Variants in KIF18A observed in about 807,000 individuals in gnomAD.
KIF18A encodes the protein kinesin family member 18A, also known as kinesin-like protein KIF18A.
A neutral mutation model predicts 103.3 loss-of-function variants in KIF18A; 67 were observed. The ratio of observed to expected loss-of-function variants is 0.65; its 90% CI spans 0.53 to 0.79. The LOEUF (loss-of-function observed/expected upper bound fraction) is 0.79, where lower values mean the gene tolerates loss of function less well. KIF18A is among the 30% of genes least tolerant of loss of function. The pLI, the probability that KIF18A is intolerant of heterozygous loss-of-function variation, is 0.00. For synonymous variants in KIF18A, 367 were observed against 355.5 expected (o/e 1.03, Z -0.36); for missense variants, 1,032 against 1,062.5 (o/e 0.97, Z 0.40).
At chr11:28,062,551 C>T in intron 11 of KIF18A, 35 bp from the exon 12 acceptor site, 2 of 1,515,424 alleles carry the variant, frequency 1.3e-6, no homozygotes, top group Non-Finnish European at 1.8e-6. Flanking sequence ...CTTCAGATCA[C>T]TCTAAGAATA....
Position 28,097,939 on chromosome 11 carries a change from G to T in KIF18A, c.9C>A (p.Val3=). ...TATGGTGGCACAGGTCTTCCTCAGTGACAGACATTGTTGATTATCTTGATT... is the reference window on the plus strand; with the variant it reads ...TATGGTGGCACAGGTCTTCCTCAGTTACAGACATTGTTGATTATCTTGATT... MS[V]TEEDLCHHMK... is the part of the protein sequence containing the mutation. The change falls in exon 2 of 17, where the codon GTC becomes GTA. Residue 3 remains valine, a synonymous_variant. Coordinates refer to ENST00000263181, the MANE Select transcript of KIF18A (RefSeq NM_031217.4). The T allele has an allele frequency of 6.4e-7, 1 of 1,564,156 alleles. No individual in the cohort carries two copies. Among genetic ancestry groups the T allele is most frequent in the South Asian group, 1.2e-5 (1 of 82,160 alleles).
At chr11:28,068,302 G>C (rs2133537143) in intron 11 of KIF18A, among the ~76,000 whole-genome samples, 2 of 152,048 alleles carry the variant, frequency 1.3e-5, no homozygotes, top group South Asian at 4.2e-4. Flanking sequence ...GAGAGCATTA[G>C]GACAAATACC....
intron 13 of KIF18A, among the ~76,000 whole-genome samples, chr11:28,037,313 GAT>G (rs1850506077): frequency 6.6e-6 from 1 of 151,450 alleles, no homozygotes; most frequent in South Asian, 2.1e-4. Context: ...AGTAGCTGCA[GAT>G]TCTGCATCTG....
chr11:28,069,411 G>A lies in KIF18A; in HGVS notation c.1438C>T (p.Arg480Ter), dbSNP rs1850981077. ...TTCAACATTGCAAGTCTATGATCTCGTTTTCCAGTGGCCTGAAACACGATT... is the reference window on the plus strand; with the variant it reads ...TTCAACATTGCAAGTCTATGATCTCATTTTCCAGTGGCCTGAAACACGATT... ...EDKVEKATGK[R>*]DHRLAMLKTR... Residue 480 changes from arginine (R) to a stop codon, truncating the protein, a stop_gained, in exon 11 of 17, where the codon CGA (arginine) becomes TGA (stop). Transcript: ENST00000263181. LOFTEE classifies it high-confidence loss of function. 2 of 1,612,400 alleles carry A rather than the reference G, an allele frequency of 1.2e-6. No individual in the cohort carries two copies. Among genetic ancestry groups the A allele is most frequent in the Admixed American group, 1.7e-5 (1 of 59,672 alleles).
chr11:28,098,380 G>GCTTA (rs1851402911), intron 1 of KIF18A, among the ~76,000 whole-genome samples: 1 of 152,160 alleles, frequency 6.6e-6, no homozygotes, highest in South Asian at 2.1e-4. Context: ...CACTATTTCA[G>GCTTA]CTTAGGTCAT....
At chr11:28,062,707 T>C (rs955238302) in intron 11 of KIF18A, among the ~76,000 whole-genome samples, 191 bp from the exon 12 acceptor site, 5 of 152,146 alleles carry the variant, frequency 3.3e-5, no homozygotes, top group African/African-American at 1.2e-4. Context: ...TAAGTTTTCA[T>C]GTTTCCTCAG....
rs777852626 is a variant in KIF18A at position 28,091,631 on chromosome 11, C to A, written c.484-118G>T. The A allele has an allele frequency of 2.9e-5, 15 of 516,126 alleles. No individual in the cohort carries two copies. The South Asian group carries it at 3.9e-4, about 13-fold the overall frequency. 32.0% of individuals were successfully genotyped at this position (516,126 alleles called of 1,614,324 possible). ...TTTATCCTAAAGACAAGCAGCACCT[C>A]ACTTTTATTCACCTCATACCTTCGA... On this transcript the variant is annotated intron_variant, in intron 3 of 16. Transcript: ENST00000263181.
intron 3 of KIF18A, among the ~76,000 whole-genome samples, chr11:28,093,971 G>A (rs984847505): frequency 6.6e-6 from 1 of 152,152 alleles, no homozygotes; most frequent in Non-Finnish European, 1.5e-5. Context: ...TAATAAAACT[G>A]ATCAAAGTTA....
chr11:28,043,496 C>T (rs765074917), intron 13 of KIF18A, among the ~76,000 whole-genome samples: 33 of 151,996 alleles, frequency 2.2e-4, no homozygotes, highest in Non-Finnish European at 3.5e-4. Context: ...AAGTTCTTCA[C>T]CACCACACAA....
chr11:28,083,735 G>C (rs1158116808), intron 7 of KIF18A, among the ~76,000 whole-genome samples: 1 of 152,040 alleles, frequency 6.6e-6, no homozygotes, highest in East Asian at 1.9e-4. Flanking sequence ...TTGATGTTTG[G>C]GTTACTCATC....
chr11:28,022,902 AAACT>A (rs1403810993), intron 16 of KIF18A, among the ~76,000 whole-genome samples: 1 of 152,202 alleles, frequency 6.6e-6, no homozygotes, highest in Non-Finnish European at 1.5e-5. Context: ...CGACAGAAAA[AAACT>A]AACAATAGCT....
intron 13 of KIF18A, among the ~76,000 whole-genome samples, chr11:28,038,131 T>A (rs1850517889): frequency 6.6e-6 from 1 of 151,668 alleles, no homozygotes; most frequent in African/African-American, 2.4e-5. Context: ...AATCTTTAAA[T>A]AGAAACAAAA....
intron 10 of KIF18A, among the ~76,000 whole-genome samples, chr11:28,072,568 T>C (rs1342262609): frequency 1.3e-5 from 2 of 152,172 alleles, no homozygotes; most frequent in Non-Finnish European, 2.9e-5. Context: ...AACCTCTAGA[T>C]GTCTTCCTAT....
intron 13 of KIF18A, among the ~76,000 whole-genome samples, chr11:28,040,364 A>C (rs913693309): frequency 6.6e-6 from 1 of 151,714 alleles, no homozygotes; most frequent in African/African-American, 2.4e-5. Context: ...TTTCCAGAAG[A>C]GCAGGCATGG....
In KIF18A at chr11:28,059,901, C is replaced by T. The variant is rs190045723; in HGVS notation, c.1713-740G>A. On this transcript the variant is annotated intron_variant, in intron 12 of 16. Transcript: ENST00000263181. ...CAACATTAAAACACACACACACACACAAACACATAACAAAATAACAAAACC... is the reference window on the plus strand; with the variant it reads ...CAACATTAAAACACACACACACACATAAACACATAACAAAATAACAAAACC... 2.3e-3 allele frequency among the ~76,000 whole-genome samples: 354 copies of T among 152,130 alleles called. 1 individual carries two copies. Among genetic ancestry groups the T allele is most frequent in the African/African-American group, 8.4e-3 (348 of 41,510 alleles).
At chr11:28,039,351 T>C (rs955163479) in intron 13 of KIF18A, among the ~76,000 whole-genome samples, 1 of 151,774 alleles carries the variant, frequency 6.6e-6, no homozygotes, top group Non-Finnish European at 1.5e-5. Flanking sequence ...TCAAGGCTGA[T>C]GATTAATATA....
rs1850748030 is a variant in KIF18A at position 28,054,109 on chromosome 11, A to G, written c.1948+4817T>C. ...GATATGAGCACAAAGATAAATATACATATTTGCTTACTAAAACATTATTGG... is the reference window on the plus strand; with the variant it reads ...GATATGAGCACAAAGATAAATATACGTATTTGCTTACTAAAACATTATTGG... On this transcript the variant is annotated intron_variant, in intron 13 of 16. Coordinates refer to ENST00000263181, the MANE Select transcript of KIF18A (RefSeq NM_031217.4). Among the ~76,000 whole-genome samples, 2 of 152,142 alleles carry G rather than the reference A, an allele frequency of 1.3e-5. 1 individual carries two copies. Among genetic ancestry groups the G allele is most frequent in the South Asian group, 4.1e-4 (2 of 4,834 alleles).
intron 15 of KIF18A, among the ~76,000 whole-genome samples, chr11:28,034,844 G>A (rs1850461918): frequency 6.6e-6 from 1 of 151,586 alleles, no homozygotes; most frequent in South Asian, 2.1e-4. Flanking sequence ...CTCCATCCTG[G>A]CTATCATGGT....
At chr11:28,029,099 T>C (rs1171155508) in intron 15 of KIF18A, among the ~76,000 whole-genome samples, 1 of 152,030 alleles carries the variant, frequency 6.6e-6, no homozygotes, top group Non-Finnish European at 1.5e-5. Flanking sequence ...CTACCAGAGG[T>C]ACAAAGAGGA....
Sources: allele counts gnomAD v4.1 joint callset (sites outside exome capture counted in the v4.1 genomes callset), GRCh38; gene constraint gnomAD v4.1.1; transcripts MANE v1.5; gene names NCBI Gene and HGNC (gene_info 2026-07-23, HGNC 2026-07-21).